MEGF8: variants seen among roughly 807,000 people sequenced by gnomAD.
The protein encoded by MEGF8 is multiple epidermal growth factor-like domains protein 8.
In MEGF8, 156 loss-of-function variants were observed where a neutral mutation model predicts 302.9. That is an observed-to-expected ratio of 0.52 (90% confidence interval 0.45 to 0.59). MEGF8 has a LOEUF of 0.59. Ranked by LOEUF, MEGF8 falls within the 20% of genes least tolerant of loss-of-function variation. The pLI is 0.00. For missense variants in MEGF8, 3,345 were observed against 3,964.5 expected (o/e 0.84, Z 4.20); for synonymous variants, 1,621 against 1,660.5 (o/e 0.98, Z 0.58).
In MEGF8 at chr19:42,354,110, G is replaced by T; in HGVS notation, c.4011+86G>T. 9.6e-6 allele frequency: 13 copies of T among 1,350,180 alleles called. No homozygotes were observed. Among genetic ancestry groups the T allele is most frequent in the Middle Eastern group, 2.2e-4 (1 of 4,550 alleles). The allele number at this position is 1,350,180 out of a possible 1,614,324, so 83.6% of individuals were successfully genotyped here. On this transcript the variant is annotated intron_variant, in intron 22 of 41. Transcript: ENST00000251268. This position sits in a 1 kb window ranked among gnomAD's most constrained non-coding sequence, Gnocchi z 4.3. Reference sequence around the variant, plus strand: ...CCTGCATCCTCAGACCCTGACCCTAGTATTGCTGTTTTTTTTTTTTTGTTT... The same window carrying T: ...CCTGCATCCTCAGACCCTGACCCTATTATTGCTGTTTTTTTTTTTTTGTTT...
At chr19:42,366,412 G>T (rs1055255338) in intron 35 of MEGF8, among the ~76,000 whole-genome samples, 2 of 152,096 alleles carry the variant, frequency 1.3e-5, no homozygotes, top group Non-Finnish European at 2.9e-5. Flanking sequence ...TATTGGCCAG[G>T]CTGGTCTCGA....
At position 42,344,647 on chromosome 19, in the gene MEGF8, GC is replaced by G. The variant is rs2039263296; in HGVS notation, c.1934-18del. On this transcript the variant is annotated intron_variant, in intron 11 of 41. Coordinates refer to ENST00000251268, the MANE Select transcript of MEGF8 (RefSeq NM_001271938.2). This position sits in a 1 kb window ranked among gnomAD's most constrained non-coding sequence, Gnocchi z 4.5. ...CAGAGCACTCCACACTGACCCACCG[GC>G]CCCCACCCCCTGTCTTCTCAGAGCA... 6.4e-7 allele frequency: 1 copy of G among 1,560,938 alleles called. No individual in the cohort carries two copies. The highest frequency in any genetic ancestry group is 8.7e-7 in the Non-Finnish European group (1 of 1,149,824).
intron 39 of MEGF8, 104 bp from the exon 40 acceptor site, chr19:42,370,597 C>T: frequency 7.4e-7 from 1 of 1,358,732 alleles, no homozygotes; most frequent in Non-Finnish European, 1.0e-6. Flanking sequence ...AGCCTGGCCT[C>T]CTGGGTCTGA....
chr19:42,359,072 C>CCCCCCCCCCCCCCGCG, intron 30 of MEGF8, 26 bp from the exon 31 acceptor site: 5 of 1,502,154 alleles, frequency 3.3e-6, no homozygotes, highest in Non-Finnish European at 4.5e-6. Flanking sequence ...GCTGTCCTGT[C>CCCCCCCCCCCCCCGCG]CCCCCACCCC....
intron 13 of MEGF8, among the ~76,000 whole-genome samples, chr19:42,348,892 C>T (rs565723375): frequency 1.3e-4 from 20 of 152,310 alleles, no homozygotes; most frequent in Admixed American, 5.9e-4. Flanking sequence ...TAAGCCACTG[C>T]GCCTGGCTGG....
Position 42,376,636 on chromosome 19 carries a change from G to A in MEGF8, c.8399G>A (p.Gly2800Glu), listed in dbSNP as rs758564292. The A allele has an allele frequency of 6.5e-7, 1 of 1,542,806 alleles. No homozygotes were observed. Among genetic ancestry groups the A allele is most frequent in the Admixed American group, 2.0e-5 (1 of 51,246 alleles). ...CATGCACCCAACGGCGCCTGCCTGG[G>A]GTCAGCCCTCGTCACACTGCGGCAC... ...GPHAPNGACL[G>E]SALVTLRHRL... The change falls in exon 42 of 42, where the codon GGG (glycine) becomes GAG (glutamate). Residue 2800 changes from glycine (G) to glutamate (E), a missense_variant. Physicochemically the swap from Gly to Glu is moderately conservative, Grantham distance 98. Transcript: ENST00000251268. The surrounding 1 kb of genome is among the most constrained non-coding windows in gnomAD (Gnocchi z 8.2).
chr19:42,351,360 G>A lies in MEGF8; in HGVS notation c.2855+26G>A, dbSNP rs1056362740. On this transcript the variant is annotated intron_variant, in intron 16 of 41. Coordinates refer to ENST00000251268, the MANE Select transcript of MEGF8 (RefSeq NM_001271938.2). This position sits in a 1 kb window ranked among gnomAD's most constrained non-coding sequence, Gnocchi z 5.6. ...GTGAGTCAGGCTGGGTGCAGGGAGT[G>A]GGTGGGTGGATGTGCCTGGGGATGT... The A allele has an allele frequency of 8.9e-6, 14 of 1,568,082 alleles. No homozygotes were observed. The African/African-American group carries it at 1.4e-4, about 15-fold the overall frequency.
At chr19:42,343,794 A>T (rs993907838) in intron 9 of MEGF8, among the ~76,000 whole-genome samples, 160 bp from the exon 10 acceptor site, 1 of 152,010 alleles carries the variant, frequency 6.6e-6, no homozygotes, top group Non-Finnish European at 1.5e-5. Context: ...AAGAGGAGCT[A>T]GAGGTCCCTG....
chr19:42,326,347 A>G lies in MEGF8; in HGVS notation c.104A>G (p.Gln35Arg), dbSNP rs754511848. 2.5e-6 allele frequency: 4 copies of G among 1,584,648 alleles called. No homozygotes were observed. The highest frequency in any genetic ancestry group is 3.8e-5 in the Admixed American group (2 of 52,964). Residue 35 changes from glutamine (Q) to arginine (R), a missense_variant, in exon 1 of 42, where the codon CAG becomes CGG. Coordinates refer to ENST00000251268, the MANE Select transcript of MEGF8 (RefSeq NM_001271938.2). ...GCGGGGGACTGCAAGGGGCAGCGGC[A>G]GGTGCTGCGGGAGGCGCCAGGCTTC... ...ARAGDCKGQRQVLREAPGFVT... is the reference protein window; with the variant it reads ...ARAGDCKGQRRVLREAPGFVT...
chr19:42,376,607 GC>G lies in MEGF8; in HGVS notation c.8374del (p.His2792MetfsTer44). 1 of 1,548,210 alleles carries G rather than the reference GC, an allele frequency of 6.5e-7. No individual in the cohort carries two copies. The highest frequency in any genetic ancestry group is 8.7e-7 in the Non-Finnish European group (1 of 1,149,364). ...ATLLLQLPGGPHAPNGACLGS... is the reference protein window; with the variant it reads ...ATLLLQLPGGXHAPNGACLGS... ...CACTGCTGCTCCAGCTGCCTGGCGG[GC>G]CCCATGCACCCAACGGCGCCTGCCT... On this transcript the variant is annotated frameshift_variant, in exon 42 of 42. Transcript: ENST00000251268. LOFTEE classifies it high-confidence loss of function. The surrounding 1 kb of genome is among the most constrained non-coding windows in gnomAD (Gnocchi z 8.2).
At chr19:42,341,712 G>T (rs1162007726) in intron 8 of MEGF8, among the ~76,000 whole-genome samples, 1 of 152,140 alleles carries the variant, frequency 6.6e-6, no homozygotes, top group Admixed American at 6.5e-5. Context: ...CTCCCAACGT[G>T]CTGTGATTAT....
Position 42,377,658 on chromosome 19 carries a change from A to G in MEGF8, c.*883A>G, listed in dbSNP as rs2039786347. The stretch of plus-strand genomic sequence containing the variant: ...AAAAATTAGCTGGGCATGGTGGCAC[A>G]CACTTGTAGTCCGAGCTACTCGGGA... On this transcript the variant is annotated 3_prime_UTR_variant, in exon 42 of 42. Coordinates refer to ENST00000251268, the MANE Select transcript of MEGF8 (RefSeq NM_001271938.2). 1 of 152,240 alleles carries G rather than the reference A, an allele frequency of 6.6e-6. No homozygotes were observed. Among genetic ancestry groups the G allele is most frequent in the African/African-American group, 2.4e-5 (1 of 41,410 alleles). The allele number at this position is 152,240 out of a possible 1,614,324, so 9.4% of individuals were successfully genotyped here.
intron 9 of MEGF8, 23 bp downstream of exon 9, chr19:42,343,654 A>G: frequency 6.3e-7 from 1 of 1,583,378 alleles, no homozygotes; most frequent in South Asian, 1.1e-5. Flanking sequence ...GTGACAGGGA[A>G]AGGGTGGCTG....
At position 42,354,118 on chromosome 19, in the gene MEGF8, G is replaced by T. The variant is rs1437115966; in HGVS notation, c.4011+94G>T. ...CTCAGACCCTGACCCTAGTATTGCT[G>T]TTTTTTTTTTTTTGTTTTTTTAATC... On this transcript the variant is annotated intron_variant, in intron 22 of 41. Transcript: ENST00000251268. The surrounding 1 kb of genome is among the most constrained non-coding windows in gnomAD (Gnocchi z 4.3). 5.3e-5 allele frequency: 61 copies of T among 1,146,244 alleles called. No individual in the cohort carries two copies. Among genetic ancestry groups the T allele is most frequent in the African/African-American group, 8.1e-5 (5 of 61,782 alleles). 71.0% of individuals were successfully genotyped at this position (1,146,244 alleles called of 1,614,324 possible).
chr19:42,344,220 G>C lies in MEGF8; in HGVS notation c.1788+147G>C. ...ATCCTCCTTCCTGATTCCTGACTGC[G>C]GAGCCCTGAACCTTTGCCTATCCCA... On this transcript the variant is annotated intron_variant, in intron 10 of 41. Coordinates refer to ENST00000251268, the MANE Select transcript of MEGF8 (RefSeq NM_001271938.2). The surrounding 1 kb of genome is among the most constrained non-coding windows in gnomAD (Gnocchi z 4.5). The C allele has an allele frequency of 7.5e-7, 1 of 1,331,304 alleles. No homozygotes were observed. The highest frequency in any genetic ancestry group is 2.5e-5 in the East Asian group (1 of 39,534). 82.5% of individuals were successfully genotyped at this position (1,331,304 alleles called of 1,614,324 possible). A position where few individuals can be genotyped will look rare whatever the true frequency, so the allele number is the denominator to read the frequency against.
chr19:42,370,097 G>T, intron 38 of MEGF8, 92 bp from the exon 39 acceptor site: 1 of 1,399,266 alleles, frequency 7.1e-7, no homozygotes, highest in Non-Finnish European at 9.7e-7. Flanking sequence ...CTGCCCTCCC[G>T]TGGGCTCTCA....
chr19:42,337,325 C>A, intron 8 of MEGF8, 119 bp downstream of exon 8: 3 of 1,423,974 alleles, frequency 2.1e-6, no homozygotes, highest in Non-Finnish European at 2.9e-6. Flanking sequence ...CCAGTTGGTG[C>A]CAGCCTTAGG....
chr19:42,347,285 C>T (rs1310483062), intron 12 of MEGF8, among the ~76,000 whole-genome samples: 2 of 151,598 alleles, frequency 1.3e-5, no homozygotes, highest in Non-Finnish European at 2.9e-5. Context: ...GGCAAGCTTC[C>T]CATAACAGAA....
Position 42,343,457 on chromosome 19 carries a change from T to C in MEGF8, c.1514-20T>C, listed in dbSNP as rs2039242678. On this transcript the variant is annotated intron_variant, in intron 8 of 41. Transcript: ENST00000251268. ...GGGGCTGGGGGTCTAATAATGTCAT[T>C]GGGGTCTCTATTCCCCTAGGCCGAG... The C allele has an allele frequency of 1.3e-6, 2 of 1,573,390 alleles. No individual in the cohort carries two copies. Among genetic ancestry groups the C allele is most frequent in the African/African-American group, 1.4e-5 (1 of 73,986 alleles).
Sources: allele counts gnomAD v4.1 joint callset (sites outside exome capture counted in the v4.1 genomes callset), GRCh38; gene constraint gnomAD v4.1.1; non-coding constraint Gnocchi (gnomAD v3.1); transcripts MANE v1.5; gene names NCBI Gene and HGNC (gene_info 2026-07-23, HGNC 2026-07-21).